The following INO80 variants were observed in gnomAD, a reference collection of about 807,000 sequenced individuals.
The protein encoded by INO80 is INO80 complex ATPase subunit, also known as chromatin-remodeling ATPase INO80.
INO80 carries 20 observed loss-of-function variants against 203.4 expected under a neutral mutation model. That is an observed-to-expected ratio of 0.10 (90% CI 0.07 to 0.14). The LOEUF (loss-of-function observed/expected upper bound fraction) is 0.14. Among genes scored for constraint, INO80 ranks in the 10% least tolerant of loss-of-function variants. The probability of loss-of-function intolerance (pLI) is 1.00; values close to 1 mark genes in which losing one functional copy is unlikely to be tolerated. For missense variants in INO80, 1,419 were observed against 1,914.4 expected, an observed-to-expected ratio of 0.74 and a Z score of 4.83; for synonymous variants, 726 against 685.2, an observed-to-expected ratio of 1.06 and a Z score of -0.93.
At chr15:41,030,912 CGT>C (rs1566918633) in intron 24 of INO80, among the ~76,000 whole-genome samples, 3 of 152,092 alleles carry the variant, frequency 2.0e-5, no homozygotes, top group Non-Finnish European at 4.4e-5. Context: ...CCTCATGATC[CGT>C]CCACCTTGGC....
At chr15:41,023,768 C>CAAAAAAAAA (rs139814568) in intron 25 of INO80, among the ~76,000 whole-genome samples, 2 of 63,528 alleles carry the variant, frequency 3.1e-5, no homozygotes, top group Admixed American at 2.2e-4. Context: ...GACTCTGTCT[C>CAAAAAAAAA]AAAAAAAAAA....
At chr15:41,067,045 G>C (rs1050778142) in intron 14 of INO80, among the ~76,000 whole-genome samples, 1 of 152,014 alleles carries the variant, frequency 6.6e-6, no homozygotes, top group African/African-American at 2.4e-5. Flanking sequence ...GAAAACTTAA[G>C]TGGTTTGGTG....
chr15:41,005,833 A>C (rs1355861336), intron 27 of INO80, 146 bp from the exon 28 acceptor site: 1 of 482,562 alleles, frequency 2.1e-6, no homozygotes, highest in Non-Finnish European at 3.7e-6. Flanking sequence ...CCAAGAGTAC[A>C]AGAAGTTAAT....
chr15:41,069,199 G>A (rs982811270), intron 14 of INO80, among the ~76,000 whole-genome samples: 1 of 152,058 alleles, frequency 6.6e-6, no homozygotes, highest in Non-Finnish European at 1.5e-5. Flanking sequence ...CACATTCTCG[G>A]CTTGCTACAA....
chr15:41,015,662 G>A (rs773873906), intron 27 of INO80, among the ~76,000 whole-genome samples: 62 of 151,388 alleles, frequency 4.1e-4, no homozygotes, highest in Non-Finnish European at 6.2e-4. Context: ...GGGGCTGCGT[G>A]TGGTGGCTCA....
rs377728428 is a variant in INO80, at chr15:41,069,741, G to A, written c.1687-76C>T. On this transcript the variant is annotated intron_variant, in intron 13 of 35. Coordinates refer to ENST00000648947, the MANE Select transcript of INO80 (RefSeq NM_017553.3). The stretch of plus-strand genomic sequence containing the variant: ...AATTCAAAATTATAATTAATGACAA[G>A]AACAATCTAAGAATAGGAAACAAAT... The A allele has an allele frequency of 1.8e-4, 141 of 804,736 alleles. 1 individual carries two copies. The South Asian group carries it at 2.3e-3, about 13-fold the overall frequency. 49.8% of individuals were successfully genotyped at this position (804,736 alleles called of 1,614,324 possible).
At chr15:41,023,052 G>A (rs1488253742) in intron 25 of INO80, among the ~76,000 whole-genome samples, 1 of 147,080 alleles carries the variant, frequency 6.8e-6, no homozygotes, top group African/African-American at 2.5e-5. Flanking sequence ...AATGAGCCAA[G>A]ACTGTGCCAC....
chr15:40,987,226 G>C, intron 30 of INO80, 33 bp from the exon 31 acceptor site: 2 of 1,266,696 alleles, frequency 1.6e-6, no homozygotes, highest in Non-Finnish European at 2.3e-6. Context: ...GTCACCTCCA[G>C]GCATCCATTC....
chr15:41,056,608 G>A lies in INO80; in HGVS notation c.2070+14C>T, dbSNP rs754011849. The A allele has an allele frequency of 1.3e-6, 2 of 1,592,348 alleles. No individual in the cohort carries two copies. Among genetic ancestry groups the A allele is most frequent in the South Asian group, 1.1e-5 (1 of 90,592 alleles). ...TTATGAAGATATAAACCTGTGACCT[G>A]GACTAGTGCCTACCTCTGCCATGGT... On this transcript the variant is annotated intron_variant, in intron 17 of 35. Coordinates refer to ENST00000648947, the MANE Select transcript of INO80 (RefSeq NM_017553.3).
At chr15:40,990,688 C>T (rs1356885479) in intron 29 of INO80, among the ~76,000 whole-genome samples, 1 of 152,168 alleles carries the variant, frequency 6.6e-6, no homozygotes, top group Admixed American at 6.5e-5. Flanking sequence ...AGGAACTTAA[C>T]AAACCTGACC....
intron 5 of INO80, among the ~76,000 whole-genome samples, chr15:41,091,381 AG>A (rs1288670503): frequency 6.6e-6 from 1 of 151,912 alleles, no homozygotes; most frequent in African/African-American, 2.4e-5. Flanking sequence ...CTTTTTTTTA[AG>A]TACCAGGGTA....
intron 10 of INO80, 104 bp downstream of exon 10, chr15:41,074,266 A>C (rs1180518495): frequency 1.5e-6 from 1 of 667,520 alleles, no homozygotes; most frequent in Non-Finnish European, 2.4e-6. Context: ...TTTTCTGGTA[A>C]ATTACCTATG....
intron 1 of INO80, 136 bp downstream of exon 1, chr15:41,115,836 AT>A: frequency 2.7e-6 from 1 of 370,252 alleles, no homozygotes; most frequent in Non-Finnish European, 4.8e-6. Flanking sequence ...CCCATCCTCC[AT>A]ACTAACCCCA....
At chr15:41,092,291 G>T in intron 4 of INO80, 109 bp from the exon 5 acceptor site, 9 of 744,376 alleles carry the variant, frequency 1.2e-5, no homozygotes, top group Non-Finnish European at 1.9e-5. Flanking sequence ...CAGAAAGATA[G>T]TCACTCCAGT....
intron 14 of INO80, among the ~76,000 whole-genome samples, chr15:41,069,360 C>A (rs527673586): frequency 6.6e-6 from 1 of 151,406 alleles, no homozygotes; most frequent in Non-Finnish European, 1.5e-5. Flanking sequence ...TTAGTAGAGA[C>A]GGGGTTTCAC....
rs1326692035 is a variant in INO80, at chr15:41,085,539, G to C, written c.703C>G (p.Leu235Val). 2 of 1,614,154 alleles carry C rather than the reference G, an allele frequency of 1.2e-6. No individual in the cohort carries two copies. The highest frequency in any genetic ancestry group is 1.3e-5 in the African/African-American group (1 of 75,032). The change falls in exon 7 of 36, where the codon CTT (leucine) becomes GTT (valine). Residue 235 changes from leucine to valine, a missense_variant. Leu to Val is a conservative substitution (Grantham distance 32). Around this residue, in one of 9 missense-constraint regions of INO80, gnomAD observed 323 missense variants for 325.4 expected, o/e 0.99. Transcript: ENST00000648947. ...CGACGAGGGGATTCTTCAGAGGAAA[G>C]TTCTTCATCTCTTCGTCTTTTTTTC... ...VKKKRRRDEE[L>V]SSEESPRRHH...
chr15:41,081,874 A>T (rs1013918910), intron 7 of INO80, among the ~76,000 whole-genome samples: 3 of 152,138 alleles, frequency 2.0e-5, no homozygotes, highest in Admixed American at 2.0e-4. Flanking sequence ...GGAATATATG[A>T]GCCTTTTATA....
At position 41,092,289 on chromosome 15, in the gene INO80, T is replaced by C. The variant is rs764114313; in HGVS notation, c.382-107A>G. ...AACAATGACAAAAACAGCAGAAAGATAGTCACTCCAGTTCCCCTTATGACA... is the reference window on the plus strand; with the variant it reads ...AACAATGACAAAAACAGCAGAAAGACAGTCACTCCAGTTCCCCTTATGACA... On this transcript the variant is annotated intron_variant, in intron 4 of 35. Coordinates refer to ENST00000648947, the MANE Select transcript of INO80 (RefSeq NM_017553.3). 14 of 795,914 alleles carry C rather than the reference T, an allele frequency of 1.8e-5. No individual in the cohort carries two copies. The Middle Eastern group carries it at 1.9e-3, about 106-fold the overall frequency. 49.3% of individuals were successfully genotyped at this position (795,914 alleles called of 1,614,324 possible).
In INO80 at chr15:41,027,730, C is replaced by G; in HGVS notation, c.2914G>C (p.Val972Leu). The G allele has an allele frequency of 3.2e-6, 5 of 1,570,548 alleles. No individual in the cohort carries two copies. The highest frequency in any genetic ancestry group is 4.3e-6 in the Non-Finnish European group (5 of 1,157,644). Residue 972 changes from valine to leucine, a missense_variant, in exon 25 of 36, where the codon GTT (valine) becomes CTT (leucine). Around this residue, in one of 9 missense-constraint regions of INO80, gnomAD observed 302 missense variants for 345.4 expected, o/e 0.87. Transcript: ENST00000648947. ...LCSCPLLKSL[V>L]FSSHCKAVSG... ...ACTGCTTTACAGTGGCTGCTGAAAA[C>G]AAGAGACTGCAAAATAAAAATGCAA...
Sources: allele counts gnomAD v4.1 joint callset (sites outside exome capture counted in the v4.1 genomes callset), GRCh38; gene constraint gnomAD v4.1.1; regional missense constraint gnomAD v4.1.1; transcripts MANE v1.5; gene names NCBI Gene and HGNC (gene_info 2026-07-23, HGNC 2026-07-21).